The following CREBRF variants were observed in gnomAD, a reference collection of about 807,000 sequenced individuals.
CREBRF encodes UPF0474 protein C5orf41.
In CREBRF, 5 loss-of-function variants were observed where a neutral mutation model predicts 66.1. That is an observed-to-expected ratio of 0.08 (90% CI 0.04 to 0.16). CREBRF has a LOEUF of 0.16. CREBRF is among the 10% of genes least tolerant of loss of function. The probability of loss-of-function intolerance (pLI) is 1.00; values close to 1 mark genes in which losing one functional copy is unlikely to be tolerated. For synonymous variants in CREBRF, 229 were observed against 264.4 expected, an observed-to-expected ratio of 0.87 and a Z score of 1.30; for missense variants, 531 against 744.9, an observed-to-expected ratio of 0.71 and a Z score of 3.34.
chr5:173,114,750 G>A (rs1013125780), intron 7 of CREBRF, among the ~76,000 whole-genome samples: 4 of 152,204 alleles, frequency 2.6e-5, no homozygotes, highest in Admixed American at 2.6e-4. Context: ...GGAGACTGCT[G>A]TGTGAATCCT....
intron 4 of CREBRF, among the ~76,000 whole-genome samples, chr5:173,096,860 G>A (rs1758491533): frequency 3.3e-5 from 5 of 152,018 alleles, no homozygotes; most frequent in Admixed American, 3.3e-4. Flanking sequence ...CTATTGAGAC[G>A]ATTATATTGT....
intron 8 of CREBRF, 101 bp from the exon 9 acceptor site, chr5:173,133,529 G>A (rs1759521002): frequency 1.7e-6 from 1 of 592,638 alleles, no homozygotes; most frequent in Non-Finnish European, 3.0e-6. Flanking sequence ...CCAGTATCAA[G>A]CTGAGGGCCA....
intron 4 of CREBRF, among the ~76,000 whole-genome samples, chr5:173,095,601 A>G (rs1029428874): frequency 1.2e-4 from 19 of 152,132 alleles, no homozygotes; most frequent in African/African-American, 4.6e-4. Context: ...GTGATTTCAT[A>G]TGAGTTTTAG....
Position 173,135,120 on chromosome 5 carries a change from C to A in CREBRF, c.*1375C>A, listed in dbSNP as rs557080560. The A allele has an allele frequency of 6.6e-6, 1 of 152,148 alleles. No individual in the cohort carries two copies. Among genetic ancestry groups the A allele is most frequent in the East Asian group, 1.9e-4 (1 of 5,192 alleles). The allele number at this position is 152,148 out of a possible 1,614,324, so 9.4% of individuals were successfully genotyped here. A position where few individuals can be genotyped will look rare whatever the true frequency, so the allele number is the denominator to read the frequency against. ...AGAAAAAAGCTAAAAATATCTAATT[C>A]TTTAGTTGCCACTTTTCCGATTGAT... On this transcript the variant is annotated 3_prime_UTR_variant, in exon 9 of 9. Coordinates refer to ENST00000296953, the MANE Select transcript of CREBRF (RefSeq NM_153607.3).
intron 1 of CREBRF, among the ~76,000 whole-genome samples, chr5:173,067,298 T>C (rs1317140482): frequency 1.3e-5 from 2 of 152,232 alleles, no homozygotes; most frequent in African/African-American, 4.8e-5. Context: ...TATTTGGAAG[T>C]TGAGTTGCAG....
chr5:173,101,520 C>G (rs192626130), intron 4 of CREBRF, among the ~76,000 whole-genome samples: 59 of 151,966 alleles, frequency 3.9e-4, no homozygotes, highest in Non-Finnish European at 6.9e-4. Flanking sequence ...CTTTGACTTT[C>G]CAGAATTTGA....
intron 4 of CREBRF, among the ~76,000 whole-genome samples, chr5:173,093,011 TA>T (rs1394529835): frequency 6.6e-6 from 1 of 152,142 alleles, no homozygotes; most frequent in Admixed American, 6.5e-5. Flanking sequence ...ACTTTGTAGG[TA>T]GGGGTAATTT....
In CREBRF at chr5:173,090,938, C is replaced by T; in HGVS notation, c.759C>T (p.Ser253=). ...NPVQQSRPLL[S]QIHTDAAKEN... ...TGCAACAGAGCCGGCCCTTGTTGAG[C>T]CAGATTCACACAGATGCAGCAAAGG... The change falls in exon 4 of 9, where the codon AGC becomes AGT. Residue 253 remains serine, a synonymous_variant. Coordinates refer to ENST00000296953, the MANE Select transcript of CREBRF (RefSeq NM_153607.3). The surrounding 1 kb of genome is among the most constrained non-coding windows in gnomAD (Gnocchi z 4.5). 1.2e-6 allele frequency: 2 copies of T among 1,614,122 alleles called. No individual in the cohort carries two copies. Among genetic ancestry groups the T allele is most frequent in the South Asian group, 1.1e-5 (1 of 91,072 alleles).
chr5:173,079,156 G>A (rs1757856473), intron 1 of CREBRF, among the ~76,000 whole-genome samples: 3 of 152,130 alleles, frequency 2.0e-5, no homozygotes, highest in Admixed American at 6.5e-5. Context: ...GAATTGAAAA[G>A]CATAGTTAAC....
Position 173,091,307 on chromosome 5 carries a change from G to A in CREBRF, c.1128G>A (p.Glu376=). 3.1e-6 allele frequency: 5 copies of A among 1,613,346 alleles called. No homozygotes were observed. The highest frequency in any genetic ancestry group is 4.2e-6 in the Non-Finnish European group (5 of 1,179,554). The change falls in exon 4 of 9, where the codon GAG becomes GAA. Residue 376 remains glutamate (E), a synonymous_variant. Transcript: ENST00000296953. The stretch of plus-strand genomic sequence containing the variant: ...ACCATGATGAAGGATTCGGCAGTGA[G>A]CATGAACTGTCTGAAAATGAGGAGG... ...DEDHDEGFGS[E]HELSENEEEE... is the part of the protein sequence containing the mutation.
chr5:173,080,836 T>C (rs1043135268), intron 2 of CREBRF, 52 bp downstream of exon 2: 3 of 1,564,674 alleles, frequency 1.9e-6, no homozygotes, highest in Admixed American at 1.7e-5. Context: ...CTACAGAAAG[T>C]CAATACCTTT....
intron 1 of CREBRF, among the ~76,000 whole-genome samples, chr5:173,059,074 AG>A (rs1199643573): frequency 1.3e-5 from 2 of 151,814 alleles, no homozygotes; most frequent in African/African-American, 4.8e-5. Context: ...CTGGGATTAC[AG>A]GTGTGAGCTA....
At chr5:173,132,069 A>G (rs1486099535) in intron 8 of CREBRF, among the ~76,000 whole-genome samples, 3 of 148,516 alleles carry the variant, frequency 2.0e-5, no homozygotes, top group African/African-American at 5.0e-5. Flanking sequence ...TCCTATGAGC[A>G]ATGACAAATA....
At chr5:173,059,934 C>G (rs1267515515) in intron 1 of CREBRF, among the ~76,000 whole-genome samples, 2 of 152,130 alleles carry the variant, frequency 1.3e-5, no homozygotes, top group African/African-American at 2.4e-5. Flanking sequence ...CAGGTGAAAG[C>G]AAGCTTTTAT....
chr5:173,110,673 A>G lies in CREBRF; in HGVS notation c.1569A>G (p.Arg523=), dbSNP rs1758851527. 2 of 1,612,642 alleles carry G rather than the reference A, an allele frequency of 1.2e-6. No individual in the cohort carries two copies. The highest frequency in any genetic ancestry group is 1.7e-6 in the Non-Finnish European group (2 of 1,179,710). The change falls in exon 6 of 9, where the codon CGA becomes CGG. Residue 523 remains arginine, a synonymous_variant. Transcript: ENST00000296953. ...TPVSELPLTA[R]PRSRKEKNKL... ...TCAGTGAGCTTCCCTTAACAGCCCG[A>G]CCAAGGTCAAGGAAGGAAAAAAATA...
chr5:173,093,504 G>T (rs1378372828), intron 4 of CREBRF, among the ~76,000 whole-genome samples: 2 of 152,012 alleles, frequency 1.3e-5, no homozygotes, highest in East Asian at 1.9e-4. Context: ...AACAAATTTG[G>T]CCTACACAAT....
chr5:173,120,738 G>A (rs570902754), intron 7 of CREBRF, among the ~76,000 whole-genome samples: 1 of 129,848 alleles, frequency 7.7e-6, no homozygotes, highest in South Asian at 2.4e-4. Context: ...TTGTTGCCCA[G>A]GCTGGAGTGC....
chr5:173,106,494 G>A lies in CREBRF; in HGVS notation c.1223-2130G>A, dbSNP rs559709513. On this transcript the variant is annotated intron_variant, in intron 4 of 8. Coordinates refer to ENST00000296953, the MANE Select transcript of CREBRF (RefSeq NM_153607.3). ...TTGCTGTTTTGTTTTAAACTACCAC[G>A]TGTACACTAATAAAATGCTGTTAAT... 3.3e-4 allele frequency among the ~76,000 whole-genome samples: 50 copies of A among 152,112 alleles called. No homozygotes were observed. In the South Asian group the frequency reaches 0.01, roughly 32 times the overall value.
At chr5:173,059,820 C>T (rs1271432425) in intron 1 of CREBRF, among the ~76,000 whole-genome samples, 2 of 152,108 alleles carry the variant, frequency 1.3e-5, no homozygotes, top group Non-Finnish European at 2.9e-5. Context: ...CTTCATATGA[C>T]TGGTATATCA....
Sources: gnomAD v4.1 joint callset for allele counts (sites outside exome capture counted in the v4.1 genomes callset) on GRCh38, gnomAD v4.1.1 for gene constraint, Gnocchi (gnomAD v3.1) non-coding constraint, MANE v1.5 for transcripts, NCBI Gene and HGNC (gene_info 2026-07-23, HGNC 2026-07-21) for gene names.